RPS27: variants seen among roughly 807,000 people sequenced by gnomAD.
RPS27 encodes the protein small ribosomal subunit protein eS27.
RPS27 carries 1 observed loss-of-function variant against 11.8 expected under a neutral mutation model. That is an observed-to-expected ratio of 0.08 (90% CI 0.03 to 0.40). RPS27 has a LOEUF of 0.40. Ranked by LOEUF, RPS27 falls within the 10% of genes least tolerant of loss-of-function variation. The pLI, the probability that RPS27 is intolerant of heterozygous loss-of-function variation, is 0.98. For missense variants in RPS27, 44 were observed against 100.1 expected (o/e 0.44, Z 2.39); for synonymous variants, 42 against 33.8 (o/e 1.24, Z -0.84).
At chr1:153,992,028 A>G (rs777545977) in intron 3 of RPS27, 37 bp from the exon 4 acceptor site, 39 of 1,603,848 alleles carry the variant, frequency 2.4e-5, no homozygotes, top group Non-Finnish European at 3.0e-5. Flanking sequence ...GAATACCTGT[A>G]CTGATGACAG....
rs1649423418 is a variant in RPS27 at position 153,991,763 on chromosome 1, G to C, written c.226+87G>C. The C allele has an allele frequency of 8.2e-6, 7 of 855,878 alleles. No individual in the cohort carries two copies. The South Asian group carries it at 1.0e-4, about 13-fold the overall frequency. The allele number at this position is 855,878 out of a possible 1,614,324, so 53.0% of individuals were successfully genotyped here. A position where few individuals can be genotyped will look rare whatever the true frequency, so the allele number is the denominator to read the frequency against. On this transcript the variant is annotated intron_variant, in intron 3 of 3. Transcript: ENST00000651669. ...CTTAGGATTTTTCGGTCTTAACAGT[G>C]ACAGGGATCATCTATAATGTAAATT...
At chr1:153,991,512 T>C in intron 2 of RPS27, 54 bp from the exon 3 acceptor site, 2 of 1,412,944 alleles carry the variant, frequency 1.4e-6, no homozygotes, top group Non-Finnish European at 2.0e-6. Context: ...TGGGCATAAG[T>C]GCAGGAAAGA....
At position 153,992,113 on chromosome 1, in the gene RPS27, G is replaced by A. The variant is rs766380254; in HGVS notation, c.*20G>A. On this transcript the variant is annotated 3_prime_UTR_variant, in exon 4 of 4. Transcript: ENST00000651669. Reference sequence around the variant, plus strand: ...CACTAAAAGCACTCTGAGTCAAGATGAGTGGGAAACCATCTCAATAAACAC... The same window carrying A: ...CACTAAAAGCACTCTGAGTCAAGATAAGTGGGAAACCATCTCAATAAACAC... The A allele has an allele frequency of 2.6e-5, 41 of 1,599,252 alleles. No individual in the cohort carries two copies. The highest frequency in any genetic ancestry group is 3.4e-5 in the Non-Finnish European group (40 of 1,169,456).
intron 1 of RPS27, 140 bp downstream of exon 1, chr1:153,990,942 C>G: frequency 4.5e-6 from 6 of 1,331,846 alleles, no homozygotes; most frequent in Non-Finnish European, 6.4e-6. Context: ...CGCAGCGGCC[C>G]ACGGGCCACC....
At chr1:153,991,058 T>C (rs530581029) in intron 1 of RPS27, 57 bp from the exon 2 acceptor site, 18 of 1,391,714 alleles carry the variant, frequency 1.3e-5, no homozygotes, top group African/African-American at 2.9e-5. Context: ...GGGGCTATTT[T>C]CGACCATCCC....
intron 2 of RPS27, 100 bp downstream of exon 2, chr1:153,991,323 C>T: frequency 6.5e-7 from 1 of 1,529,112 alleles, no homozygotes; most frequent in Non-Finnish European, 8.8e-7. Context: ...TGTGCAGCAG[C>T]TTCAGTTTCT....
At chr1:153,991,039 G>A (rs1649366698) in intron 1 of RPS27, 76 bp from the exon 2 acceptor site, 1 of 1,259,890 alleles carries the variant, frequency 7.9e-7, no homozygotes, top group Non-Finnish European at 1.1e-6. Context: ...TCCCCGGTGT[G>A]TGACAGTGGG....
At chr1:153,991,516 G>A in intron 2 of RPS27, 50 bp from the exon 3 acceptor site, 1 of 1,385,478 alleles carries the variant, frequency 7.2e-7, no homozygotes, top group Non-Finnish European at 1.0e-6. Flanking sequence ...CATAAGTGCA[G>A]GAAAGACGGG....
Position 153,992,066 on chromosome 1 carries a change from A to T in RPS27, c.228A>T (p.Gly76=), listed in dbSNP as rs138950537. 5.0e-3 allele frequency: 8,099 copies of T among 1,613,180 alleles called. 30 individuals are homozygous for T. The highest frequency in any genetic ancestry group is 6.0e-3 in the Non-Finnish European group (7,103 of 1,179,482). Residue 76 remains glycine, a splice_region_variant and synonymous_variant, in exon 4 of 4, where the codon GGA becomes GGT. Coordinates refer to ENST00000651669, the MANE Select transcript of RPS27 (RefSeq NM_001030.6). ...PTGGKARLTE[G]CSFRRKQH ...AATCTCTGAATCTTTTTCCTCCAGG[A>T]TGTTCCTTCAGGAGGAAGCAGCACT...
At chr1:153,990,963 G>A in intron 1 of RPS27, 152 bp from the exon 2 acceptor site, 1 of 1,214,340 alleles carries the variant, frequency 8.2e-7, no homozygotes, top group South Asian at 1.3e-5. Flanking sequence ...CGCATAGACG[G>A]GAGCGGAGAG....
intron 3 of RPS27, 29 bp from the exon 4 acceptor site, chr1:153,992,036 C>T: frequency 3.7e-6 from 6 of 1,610,856 alleles, no homozygotes; most frequent in Non-Finnish European, 4.2e-6. Context: ...GTACTGATGA[C>T]AGCTAATCTC....
At chr1:153,991,953 A>G in intron 3 of RPS27, 112 bp from the exon 4 acceptor site, 2 of 1,013,602 alleles carry the variant, frequency 2.0e-6, no homozygotes, top group Non-Finnish European at 3.1e-6. Flanking sequence ...CTAAGAGTTG[A>G]GAAAAAAGAT....
At chr1:153,990,908 T>G in intron 1 of RPS27, 106 bp downstream of exon 1, 1 of 1,485,590 alleles carries the variant, frequency 6.7e-7, no homozygotes, top group Non-Finnish European at 9.4e-7. Flanking sequence ...CCTCTGCACT[T>G]CTTAGGACAT....
chr1:153,991,347 A>G (rs1403213641), intron 2 of RPS27, 124 bp downstream of exon 2: 1 of 1,516,500 alleles, frequency 6.6e-7, no homozygotes, highest in Non-Finnish European at 8.8e-7. Context: ...CCTGTGGAAA[A>G]TATTTTCCCT....
In RPS27 at chr1:153,992,116, T is replaced by C. The variant is rs1313836425; in HGVS notation, c.*23T>C. ...TAAAAGCACTCTGAGTCAAGATGAGTGGGAAACCATCTCAATAAACACATT... is the reference window on the plus strand; with the variant it reads ...TAAAAGCACTCTGAGTCAAGATGAGCGGGAAACCATCTCAATAAACACATT... On this transcript the variant is annotated 3_prime_UTR_variant, in exon 4 of 4. Coordinates refer to ENST00000651669, the MANE Select transcript of RPS27 (RefSeq NM_001030.6). The C allele has an allele frequency of 6.3e-7, 1 of 1,592,488 alleles. No homozygotes were observed. The highest frequency in any genetic ancestry group is 8.6e-7 in the Non-Finnish European group (1 of 1,163,650).
At chr1:153,991,986 T>C in intron 3 of RPS27, 79 bp from the exon 4 acceptor site, 1 of 1,266,134 alleles carries the variant, frequency 7.9e-7, no homozygotes, top group South Asian at 1.2e-5. Context: ...GGGTGGATCA[T>C]CATGCATCTG....
rs754848441 is a variant in RPS27 at position 153,990,796 on chromosome 1, C to A, written c.-1C>A. 4 of 1,614,226 alleles carry A rather than the reference C, an allele frequency of 2.5e-6. No homozygotes were observed. The highest frequency in any genetic ancestry group is 2.7e-5 in the African/African-American group (2 of 75,064). The stretch of plus-strand genomic sequence containing the variant: ...CGGTGACGACCTACGCACACGAGAA[C>A]ATGCCTGTGAGTGCTTTGGTCCAGG... On this transcript the variant is annotated 5_prime_UTR_variant, in exon 1 of 4. Transcript: ENST00000651669.
At chr1:153,991,273 G>T (rs41265211) in intron 2 of RPS27, 50 bp downstream of exon 2, 18,513 of 1,564,228 alleles carry the variant, frequency 0.012, 130 homozygotes, top group Non-Finnish European at 0.014. Context: ...CTCAACAGTT[G>T]GAAAATGTTG....
chr1:153,990,821 G>T lies in RPS27; in HGVS notation c.6+19G>T, dbSNP rs779530405. On this transcript the variant is annotated intron_variant, in intron 1 of 3. Transcript: ENST00000651669. ...CATGCCTGTGAGTGCTTTGGTCCAG[G>T]TTTCGGCGGAGATCTCGCTGTTCTG... is the stretch of plus-strand genomic sequence containing the variant. The T allele has an allele frequency of 6.2e-7, 1 of 1,614,200 alleles. No individual in the cohort carries two copies. Among genetic ancestry groups the T allele is most frequent in the East Asian group, 2.2e-5 (1 of 44,878 alleles).
Sources: allele counts gnomAD v4.1 joint callset, GRCh38; gene constraint gnomAD v4.1.1; transcripts MANE v1.5; gene names NCBI Gene and HGNC (gene_info 2026-07-23, HGNC 2026-07-21).